The following NELL1 variants were observed in gnomAD, a reference collection of about 807,000 sequenced individuals.
NELL1 encodes the protein protein kinase C-binding protein NELL1.
Under a neutral mutation model 107.4 loss-of-function variants are expected in NELL1, and 76 were observed. The observed-to-expected ratio is 0.71, with a 90% confidence interval of 0.59 to 0.86. The LOEUF (loss-of-function observed/expected upper bound fraction) is 0.86, where lower values mean the gene tolerates loss of function less well. NELL1 is among the 40% of genes least tolerant of loss of function. The pLI, the probability that NELL1 is intolerant of heterozygous loss-of-function variation, is 0.00. For synonymous variants in NELL1, 353 were observed against 341.2 expected, an observed-to-expected ratio of 1.03 and a Z score of -0.38; for missense variants, 1,024 against 1,005.5, an observed-to-expected ratio of 1.02 and a Z score of -0.25.
intron 4 of NELL1, among the ~76,000 whole-genome samples, chr11:20,873,332 A>G (rs1190872723): frequency 6.6e-6 from 1 of 152,144 alleles, no homozygotes; most frequent in African/African-American, 2.4e-5. Context: ...CACCTCTTTT[A>G]TAGAAATTGT....
intron 13 of NELL1, among the ~76,000 whole-genome samples, chr11:21,154,944 C>A (rs1020642170): frequency 6.6e-6 from 1 of 152,058 alleles, no homozygotes; most frequent in African/African-American, 2.4e-5. Context: ...ATTTATAGGA[C>A]TGGGTTGTAA....
chr11:20,714,872 A>ACCT (rs1855202976), intron 2 of NELL1, among the ~76,000 whole-genome samples: 1 of 152,180 alleles, frequency 6.6e-6, no homozygotes, highest in African/African-American at 2.4e-5. Flanking sequence ...GAGTACGTTC[A>ACCT]CCTTATATAA....
In NELL1 at chr11:21,532,271, C is replaced by T. The variant is rs933331813; in HGVS notation, c.1646-2103C>T. 2.2e-4 allele frequency among the ~76,000 whole-genome samples: 34 copies of T among 152,168 alleles called. 1 individual carries two copies. The highest frequency in any genetic ancestry group is 8.0e-4 in the African/African-American group (33 of 41,444). Reference sequence around the variant, plus strand: ...TGTCTTCACTGCTTTTGAAAGACTCCTGTGCTATACAGATAACTTCTGCCC... The same window carrying T: ...TGTCTTCACTGCTTTTGAAAGACTCTTGTGCTATACAGATAACTTCTGCCC... On this transcript the variant is annotated intron_variant, in intron 15 of 19. Coordinates refer to ENST00000357134, the MANE Select transcript of NELL1 (RefSeq NM_006157.5).
chr11:20,925,463 T>A (rs918876483), intron 7 of NELL1, among the ~76,000 whole-genome samples: 1 of 150,370 alleles, frequency 6.7e-6, no homozygotes, highest in African/African-American at 2.5e-5. Context: ...TTTTTGTATT[T>A]GTAGTGGAGA....
chr11:21,198,425 A>G (rs967897935), intron 13 of NELL1, among the ~76,000 whole-genome samples: 4 of 152,216 alleles, frequency 2.6e-5, no homozygotes, highest in South Asian at 2.1e-4. Flanking sequence ...GAAAAACAGC[A>G]TAGGGACTGG....
chr11:20,831,067 G>A (rs12278379), intron 3 of NELL1, among the ~76,000 whole-genome samples: 4,892 of 152,226 alleles, frequency 0.032, 108 homozygotes, highest in Middle Eastern at 0.058. Flanking sequence ...GAGAAAGTTT[G>A]CGTCACTGTT....
intron 12 of NELL1, among the ~76,000 whole-genome samples, chr11:20,988,055 T>TA (rs140267116): frequency 0.078 from 11,927 of 152,246 alleles, 513 homozygotes; most frequent in African/African-American, 0.12. Flanking sequence ...ATGCTACACT[T>TA]ACAACTTCTA....
intron 13 of NELL1, among the ~76,000 whole-genome samples, chr11:21,174,602 G>A (rs1856674390): frequency 6.6e-6 from 1 of 151,824 alleles, no homozygotes. Context: ...TACAGTTATG[G>A]AAGGACATGT....
intron 16 of NELL1, among the ~76,000 whole-genome samples, chr11:21,540,956 A>C (rs999479659): frequency 6.6e-6 from 1 of 151,990 alleles, no homozygotes; most frequent in Non-Finnish European, 1.5e-5. Context: ...TAAGAATAAA[A>C]ATTTCTCCCC....
intron 2 of NELL1, among the ~76,000 whole-genome samples, chr11:20,726,165 A>AT (rs1855503600): frequency 6.6e-6 from 1 of 152,224 alleles, no homozygotes; most frequent in Non-Finnish European, 1.5e-5. Flanking sequence ...ACCTAGGTTT[A>AT]GTCCATGTCT....
At chr11:21,555,432 A>G (rs2133995206) in intron 16 of NELL1, among the ~76,000 whole-genome samples, 1 of 152,034 alleles carries the variant, frequency 6.6e-6, no homozygotes, top group African/African-American at 2.4e-5. Flanking sequence ...GAAAATGAGT[A>G]AATGCGGATA....
intron 13 of NELL1, among the ~76,000 whole-genome samples, chr11:21,143,368 T>C (rs1590675661): frequency 6.6e-6 from 1 of 151,994 alleles, no homozygotes; most frequent in African/African-American, 2.4e-5. Context: ...TACTCTGTCA[T>C]AGAAATAAAT....
chr11:21,342,661 AAAAG>A (rs1850599362), intron 14 of NELL1, among the ~76,000 whole-genome samples: 2 of 149,048 alleles, frequency 1.3e-5, no homozygotes, highest in Admixed American at 1.4e-4. Context: ...AAAAAAAAGA[AAAAG>A]AAAAAGAAAA....
chr11:20,843,485 T>G (rs1239871019), intron 3 of NELL1, among the ~76,000 whole-genome samples: 1 of 120,834 alleles, frequency 8.3e-6, no homozygotes, highest in Non-Finnish European at 2.1e-5. Context: ...CTGTTTTCAC[T>G]CTTGTACACA....
intron 13 of NELL1, among the ~76,000 whole-genome samples, chr11:21,187,642 AG>A: frequency 6.6e-6 from 1 of 151,752 alleles, no homozygotes; most frequent in East Asian, 1.9e-4. Context: ...GATTTGTCTC[AG>A]GCTCTCTTCT....
chr11:20,673,273 G>T (rs1427520509), intron 1 of NELL1, among the ~76,000 whole-genome samples: 1 of 152,156 alleles, frequency 6.6e-6, no homozygotes. Flanking sequence ...ATACTGGCCA[G>T]CTTGGAACAG....
intron 14 of NELL1, among the ~76,000 whole-genome samples, chr11:21,343,323 C>T (rs117343042): frequency 3.3e-3 from 509 of 152,196 alleles, no homozygotes; most frequent in East Asian, 8.3e-3. Flanking sequence ...CGTTGCTCAA[C>T]GAGTCTGCAC....
intron 13 of NELL1, among the ~76,000 whole-genome samples, chr11:21,207,925 T>G (rs1441870355): frequency 1.3e-5 from 2 of 152,180 alleles, no homozygotes; most frequent in Non-Finnish European, 2.9e-5. Flanking sequence ...GTGTATAAGT[T>G]ATACAACATG....
chr11:20,736,467 CT>C (rs35286627), intron 2 of NELL1, among the ~76,000 whole-genome samples: 24,468 of 152,048 alleles, frequency 0.16, 2,318 homozygotes, highest in East Asian at 0.32. Flanking sequence ...AAGCTGGCCC[CT>C]GTCATCATGG....
Sources: allele counts gnomAD v4.1 joint callset (sites outside exome capture counted in the v4.1 genomes callset), GRCh38; gene constraint gnomAD v4.1.1; transcripts MANE v1.5; gene names NCBI Gene and HGNC (gene_info 2026-07-23, HGNC 2026-07-21).